Variants in CATSPERE observed in about 807,000 individuals in gnomAD.
The protein encoded by CATSPERE is cation channel sperm-associated auxiliary subunit epsilon.
In CATSPERE, 93 loss-of-function variants were observed where a neutral mutation model predicts 114.1. The ratio of observed to expected loss-of-function variants is 0.81; its 90% confidence interval spans 0.69 to 0.97. CATSPERE has a LOEUF of 0.97. Among genes scored for constraint, CATSPERE ranks in the 50% least tolerant of loss-of-function variants. The pLI is 0.00. For synonymous variants in CATSPERE, 341 were observed against 384.1 expected (o/e 0.89, Z 1.31); for missense variants, 1,058 against 1,131.6 (o/e 0.93, Z 0.93).
intron 8 of CATSPERE, among the ~76,000 whole-genome samples, chr1:244,522,900 T>A (rs1180218165): frequency 3.3e-5 from 5 of 152,230 alleles, no homozygotes; most frequent in South Asian, 2.1e-4. Context: ...GAATTCTACC[T>A]GAGGTACAAG....
chr1:244,468,664 A>G (rs1667993055), intron 2 of CATSPERE, among the ~76,000 whole-genome samples: 1 of 151,966 alleles, frequency 6.6e-6, no homozygotes, highest in South Asian at 2.1e-4. Flanking sequence ...TATGCCTGTA[A>G]TCCCAGCACT....
At chr1:244,531,155 A>G (rs529331678) in intron 8 of CATSPERE, among the ~76,000 whole-genome samples, 1 of 151,680 alleles carries the variant, frequency 6.6e-6, no homozygotes, top group African/African-American at 2.4e-5. Context: ...AGAATCGCTT[A>G]AATCCAGGAG....
At chr1:244,561,414 T>C (rs1028472722) in intron 10 of CATSPERE, among the ~76,000 whole-genome samples, 2 of 152,212 alleles carry the variant, frequency 1.3e-5, no homozygotes, top group African/African-American at 4.8e-5. Flanking sequence ...AATTTATATA[T>C]ACATCGTAGG....
chr1:244,571,870 C>T (rs1051407938), intron 10 of CATSPERE, among the ~76,000 whole-genome samples: 1 of 152,086 alleles, frequency 6.6e-6, no homozygotes, highest in Non-Finnish European at 1.5e-5. Context: ...ATAAGGGCGC[C>T]AGTTCTGTTG....
At chr1:244,613,905 G>T (rs1298779581) in intron 19 of CATSPERE, among the ~76,000 whole-genome samples, 1 of 152,186 alleles carries the variant, frequency 6.6e-6, no homozygotes, top group East Asian at 1.9e-4. Flanking sequence ...TCATAGATTA[G>T]TGGATTAATG....
intron 20 of CATSPERE, among the ~76,000 whole-genome samples, chr1:244,623,847 A>G (rs146422934): frequency 0.01 from 1,553 of 152,368 alleles, 7 homozygotes; most frequent in Middle Eastern, 0.037. Flanking sequence ...AAAAATGCCA[A>G]CAATCATCTG....
chr1:244,632,743 C>T (rs938385937), intron 20 of CATSPERE, among the ~76,000 whole-genome samples: 2 of 151,524 alleles, frequency 1.3e-5, no homozygotes, highest in South Asian at 2.1e-4. Context: ...GAGAAAGGAA[C>T]AACAAAATGA....
At chr1:244,486,928 C>T (rs956446937) in intron 5 of CATSPERE, among the ~76,000 whole-genome samples, 1 of 141,354 alleles carries the variant, frequency 7.1e-6, no homozygotes, top group Admixed American at 7.0e-5. Context: ...GGTGTAGACC[C>T]TCGTAGTCAC....
chr1:244,464,733 T>A (rs915119388), intron 2 of CATSPERE, among the ~76,000 whole-genome samples: 1 of 152,236 alleles, frequency 6.6e-6, no homozygotes, highest in Admixed American at 6.5e-5. Flanking sequence ...GTTGTTATTT[T>A]CAGTTTCTTT....
chr1:244,462,245 CAT>C (rs1457292684), intron 1 of CATSPERE, among the ~76,000 whole-genome samples: 1 of 152,180 alleles, frequency 6.6e-6, no homozygotes, highest in African/African-American at 2.4e-5. Flanking sequence ...AAAAATAGCA[CAT>C]GTCCATCTGC....
chr1:244,507,539 C>G (rs1273883569), intron 7 of CATSPERE, among the ~76,000 whole-genome samples: 6 of 152,132 alleles, frequency 3.9e-5, no homozygotes, highest in Admixed American at 3.9e-4. Context: ...CTTTTGAAGT[C>G]TTAGCTGTAA....
chr1:244,587,437 C>G (rs4564126), intron 13 of CATSPERE, among the ~76,000 whole-genome samples: 27,073 of 152,116 alleles, frequency 0.18, 3,387 homozygotes, highest in East Asian at 0.39. Flanking sequence ...AACAAGGCAT[C>G]ATGGAACAGC....
intron 8 of CATSPERE, among the ~76,000 whole-genome samples, chr1:244,545,928 A>G (rs529776260): frequency 1.3e-5 from 2 of 152,252 alleles, no homozygotes; most frequent in South Asian, 2.1e-4. Context: ...ATTCCCTACA[A>G]TGAGTTAACA....
At chr1:244,511,919 G>T (rs1028567496) in intron 7 of CATSPERE, among the ~76,000 whole-genome samples, 4 of 152,180 alleles carry the variant, frequency 2.6e-5, no homozygotes, top group African/African-American at 9.7e-5. Flanking sequence ...ATATGAGGAA[G>T]ATTCCCTTAC....
chr1:244,451,702 C>T, upstream of CATSPERE: 1 of 1,612,404 alleles, frequency 6.2e-7, no homozygotes, highest in Non-Finnish European at 8.5e-7. This position sits in a 1 kb window ranked among gnomAD's most constrained non-coding sequence, Gnocchi z 6.6. Context: ...GCCTTCGTCG[C>T]CCCACTGCGC....
At chr1:244,530,996 G>A (rs544870570) in intron 8 of CATSPERE, among the ~76,000 whole-genome samples, 210 of 152,082 alleles carry the variant, frequency 1.4e-3, no homozygotes, top group Middle Eastern at 0.01. Flanking sequence ...CTGGGAGGCC[G>A]AGGCAGGCAG....
Position 244,607,491 on chromosome 1 carries a change from G to A in CATSPERE, c.2403+1697G>A, listed in dbSNP as rs370988830. Reference sequence around the variant, plus strand: ...ATCCTATGAGGGTATTGCTGGGAAAGTTTCTAAACAGGGACTACGTTTCCC... The same window carrying A: ...ATCCTATGAGGGTATTGCTGGGAAAATTTCTAAACAGGGACTACGTTTCCC... On this transcript the variant is annotated intron_variant, in intron 18 of 21. Transcript: ENST00000366534. The surrounding 1 kb of genome is among the most constrained non-coding windows in gnomAD (Gnocchi z 4.4). 5.3e-5 allele frequency among the ~76,000 whole-genome samples: 8 copies of A among 152,330 alleles called. No homozygotes were observed. The highest frequency in any genetic ancestry group is 1.3e-4 in the Admixed American group (2 of 15,304).
At chr1:244,452,502 A>G (rs1319420871), upstream of CATSPERE, among the ~76,000 whole-genome samples, 1 of 152,264 alleles carries the variant, frequency 6.6e-6, no homozygotes, top group Non-Finnish European at 1.5e-5. Flanking sequence ...AAAATTCAAA[A>G]GTAAGGCAAT....
At chr1:244,570,993 A>T (rs1009409872) in intron 10 of CATSPERE, among the ~76,000 whole-genome samples, 1 of 152,228 alleles carries the variant, frequency 6.6e-6, no homozygotes, top group African/African-American at 2.4e-5. Flanking sequence ...AAGAACAGAC[A>T]GGCCATATCA....
Sources: allele counts gnomAD v4.1 joint callset (sites outside exome capture counted in the v4.1 genomes callset), GRCh38; gene constraint gnomAD v4.1.1; non-coding constraint Gnocchi (gnomAD v3.1); transcripts MANE v1.5; gene names NCBI Gene and HGNC (gene_info 2026-07-23, HGNC 2026-07-21).